RGS12: variants seen among roughly 807,000 people sequenced by gnomAD.
The protein encoded by RGS12 is regulator of G-protein signaling 12.
A neutral mutation model predicts 120.1 loss-of-function variants in RGS12; 66 were observed. The ratio of observed to expected loss-of-function variants is 0.55; its 90% CI spans 0.45 to 0.67. The LOEUF (loss-of-function observed/expected upper bound fraction) is 0.67, where lower values mean the gene tolerates loss of function less well. RGS12 is among the 30% of genes least tolerant of loss of function. The pLI is 0.00. For synonymous variants in RGS12, 827 were observed against 804.7 expected (o/e 1.03, Z -0.47); for missense variants, 1,859 against 1,957.7 (o/e 0.95, Z 0.95).
intron 3 of RGS12, among the ~76,000 whole-genome samples, chr4:3,367,438 G>C (rs1716432334): frequency 6.6e-6 from 1 of 152,276 alleles, no homozygotes. Flanking sequence ...TGCATGTGTT[G>C]GTGAAGGGCT....
At chr4:3,422,746 G>A (rs1723161656) in intron 11 of RGS12, among the ~76,000 whole-genome samples, 159 bp from the exon 12 acceptor site, 1 of 152,262 alleles carries the variant, frequency 6.6e-6, no homozygotes, top group Non-Finnish European at 1.5e-5. Context: ...CTTTGCACGT[G>A]GGTGCTGGGT....
chr4:3,300,195 C>G (rs1723607285), intron 1 of RGS12, among the ~76,000 whole-genome samples: 1 of 152,210 alleles, frequency 6.6e-6, no homozygotes, highest in Non-Finnish European at 1.5e-5. Flanking sequence ...GGCGCCCAGG[C>G]CTTCACTGAG....
At chr4:3,290,293 C>T (rs1314697070), upstream of RGS12, among the ~76,000 whole-genome samples, 1 of 152,212 alleles carries the variant, frequency 6.6e-6, no homozygotes, top group East Asian at 1.9e-4. Context: ...TATCAAGCAC[C>T]TTCACACTGT....
At chr4:3,424,425 C>T (rs554314531) in intron 13 of RGS12, among the ~76,000 whole-genome samples, 47 of 152,362 alleles carry the variant, frequency 3.1e-4, no homozygotes, top group African/African-American at 1.0e-3. Context: ...CTCTTCCCCG[C>T]GCTGCAGGCT....
At chr4:3,355,133 A>G (rs565826075) in intron 3 of RGS12, among the ~76,000 whole-genome samples, 3 of 152,242 alleles carry the variant, frequency 2.0e-5, no homozygotes, top group African/African-American at 7.2e-5. Flanking sequence ...ACTATTTTTT[A>G]ACATTTGAAA....
At chr4:3,403,941 A>G (rs1577055670) in intron 4 of RGS12, among the ~76,000 whole-genome samples, 2 of 152,364 alleles carry the variant, frequency 1.3e-5, no homozygotes, top group Middle Eastern at 6.8e-3. Context: ...ACACCCCAGT[A>G]TGAGGCTGGG....
rs373979863 is a variant in RGS12 at position 3,405,364 on chromosome 4, C to T, written c.2021-8708C>T. 3.3e-5 allele frequency among the ~76,000 whole-genome samples: 5 copies of T among 152,308 alleles called. No individual in the cohort carries two copies. The East Asian group carries it at 9.6e-4, about 29-fold the overall frequency. ...CTCAGAGGAGGTCCCAGAGGGACAC[C>T]GCATGGCTTCCAGGGCATTCCAGCC... On this transcript the variant is annotated intron_variant, in intron 4 of 17. Coordinates refer to ENST00000336727, the MANE Select transcript of RGS12 (RefSeq NM_001394154.1).
intron 1 of RGS12, among the ~76,000 whole-genome samples, chr4:3,303,886 C>G (rs1247997374): frequency 6.6e-6 from 1 of 152,194 alleles, no homozygotes; most frequent in African/African-American, 2.4e-5. Context: ...CTGAAAGTTG[C>G]CAGTCTTTAA....
At chr4:3,412,439 C>T (rs562952752) in intron 4 of RGS12, among the ~76,000 whole-genome samples, 1 of 152,242 alleles carries the variant, frequency 6.6e-6, no homozygotes, top group Non-Finnish European at 1.5e-5. Flanking sequence ...CACTGACCCC[C>T]TCCTGGTCTC....
chr4:3,416,392 C>T (rs2109119218), intron 7 of RGS12, among the ~76,000 whole-genome samples: 1 of 152,328 alleles, frequency 6.6e-6, no homozygotes, highest in Non-Finnish European at 1.5e-5. Flanking sequence ...ATGTTTCGAT[C>T]CTGTGCGTGT....
chr4:3,406,665 C>CA (rs1210993903), intron 4 of RGS12, among the ~76,000 whole-genome samples: 2 of 152,242 alleles, frequency 1.3e-5, no homozygotes, highest in Non-Finnish European at 2.9e-5. Context: ...TGCTGGGCCT[C>CA]ACCTGTGGTG....
At chr4:3,308,410 G>A (rs898360799) in intron 1 of RGS12, among the ~76,000 whole-genome samples, 20 of 152,272 alleles carry the variant, frequency 1.3e-4, no homozygotes, top group Admixed American at 1.2e-3. Flanking sequence ...CAGGCGGGCC[G>A]TGGCACTGAA....
chr4:3,343,686 C>T lies in RGS12; in HGVS notation c.1998+633C>T, dbSNP rs538635945. Among the ~76,000 whole-genome samples, 74 of 152,088 alleles carry T rather than the reference C, an allele frequency of 4.9e-4. 1 individual carries two copies. The highest frequency in any genetic ancestry group is 1.6e-3 in the African/African-American group (68 of 41,490). Reference sequence around the variant, plus strand: ...TGTGGGTTTGGACAAATGTCCGTGCCGTGCACCCACCGCTGTGTATCACCG... The same window carrying T: ...TGTGGGTTTGGACAAATGTCCGTGCTGTGCACCCACCGCTGTGTATCACCG... On this transcript the variant is annotated intron_variant, in intron 3 of 17. Transcript: ENST00000336727.
rs764118065 is a variant in RGS12, at chr4:3,430,896, A to G, written c.4055A>G (p.Asn1352Ser). 15 of 1,612,766 alleles carry G rather than the reference A, an allele frequency of 9.3e-6. No homozygotes were observed. Among genetic ancestry groups the G allele is most frequent in the Non-Finnish European group, 1.3e-5 (15 of 1,179,924 alleles). The change falls in exon 17 of 18, where the codon AAC (asparagine) becomes AGC (serine). Residue 1352 changes from asparagine (N) to serine (S), a missense_variant. Physicochemically the swap from Asn to Ser is conservative, Grantham distance 46 (BLOSUM62 1). Coordinates refer to ENST00000336727, the MANE Select transcript of RGS12 (RefSeq NM_001394154.1). ...LMGEGDISSP[N>S]STLLPPPSTP... The stretch of plus-strand genomic sequence containing the variant: ...GGGGAGGGGGACATCAGCAGCCCCA[A>G]CAGCACCTTGCTGCCGCCGCCCTCC...
intron 2 of RGS12, among the ~76,000 whole-genome samples, chr4:3,340,434 G>A (rs915134715): frequency 6.6e-6 from 1 of 152,240 alleles, no homozygotes. Flanking sequence ...TTACAAGAGG[G>A]GTTGTTTGGG....
intron 1 of RGS12, among the ~76,000 whole-genome samples, chr4:3,309,723 G>A (rs1324146594): frequency 6.9e-6 from 1 of 144,292 alleles, no homozygotes; most frequent in Non-Finnish European, 1.5e-5. Context: ...CCTGGGAATG[G>A]CAGGTGTCCT....
chr4:3,309,363 TGAGGGGAAC>T (rs1560645317), intron 1 of RGS12, among the ~76,000 whole-genome samples: 1 of 137,456 alleles, frequency 7.3e-6, no homozygotes. Context: ...AGGTGTCCGC[TGAGGGGAAC>T]CGTGCAGGGG....
At chr4:3,321,836 A>G (rs1725221008) in intron 2 of RGS12, among the ~76,000 whole-genome samples, 1 of 152,238 alleles carries the variant, frequency 6.6e-6, no homozygotes, top group South Asian at 2.1e-4. Context: ...AATCTTCAGC[A>G]TTCCCTCTAC....
intron 3 of RGS12, among the ~76,000 whole-genome samples, chr4:3,377,107 C>T (rs1188399757): frequency 6.6e-6 from 1 of 151,400 alleles, no homozygotes; most frequent in Non-Finnish European, 1.5e-5. Context: ...GATTTTCTTC[C>T]AGCAGGAAGG....
Sources: gnomAD v4.1 joint callset for allele counts (sites outside exome capture counted in the v4.1 genomes callset) on GRCh38, gnomAD v4.1.1 for gene constraint, MANE v1.5 for transcripts, NCBI Gene and HGNC (gene_info 2026-07-23, HGNC 2026-07-21) for gene names.